Variants in SPATA13 observed in about 807,000 individuals in gnomAD.
SPATA13 encodes the protein spermatogenesis associated 13, also known as spermatogenesis-associated protein 13.
SPATA13 carries 50 observed loss-of-function variants against 104.0 expected under a neutral mutation model. That is an observed-to-expected ratio of 0.48 (90% CI 0.38 to 0.61). The LOEUF (loss-of-function observed/expected upper bound fraction) is 0.61. Ranked by LOEUF, SPATA13 falls within the 20% of genes least tolerant of loss-of-function variation. The pLI is 0.00. For missense variants in SPATA13, 1,524 were observed against 1,690.6 expected (o/e 0.90, Z 1.73); for synonymous variants, 606 against 667.5 (o/e 0.91, Z 1.42).
chr13:24,141,488 C>T (rs1881760687), intron 3 of SPATA13, among the ~76,000 whole-genome samples: 1 of 152,210 alleles, frequency 6.6e-6, no homozygotes, highest in African/African-American at 2.4e-5. Context: ...TCCTCAAAGC[C>T]TTCCTTGACT....
chr13:24,183,939 T>C (rs1481649950), intron 1 of SPATA13, among the ~76,000 whole-genome samples: 1 of 152,080 alleles, frequency 6.6e-6, no homozygotes, highest in Non-Finnish European at 1.5e-5. Context: ...ATTGGGTCAC[T>C]TCCCACACAC....
At chr13:23,981,700 A>C (rs1236303596) in intron 1 of SPATA13, among the ~76,000 whole-genome samples, 1 of 152,218 alleles carries the variant, frequency 6.6e-6, no homozygotes, top group Non-Finnish European at 1.5e-5. Context: ...TCCAGCACTC[A>C]GAGAAGTGCG....
rs568947694 is a variant in SPATA13, at chr13:24,088,523, AG to A, written c.-112+70823del. Among the ~76,000 whole-genome samples the A allele has an allele frequency of 1.1e-3, 167 of 152,174 alleles. 1 individual carries two copies. Among genetic ancestry groups the A allele is most frequent in the African/African-American group, 3.7e-3 (154 of 41,500 alleles). ...ACCATGTGTTGATCGTTGGGTCCAC[AG>A]CCCAAAGACTGGCAGAATCTCAATA... On this transcript the variant is annotated intron_variant, in intron 3 of 14. Coordinates refer to the SPATA13 transcript ENST00000424834. The surrounding 1 kb of genome is among the most constrained non-coding windows in gnomAD (Gnocchi z 4.3).
chr13:24,215,521 G>T (rs917349193), intron 1 of SPATA13, among the ~76,000 whole-genome samples: 9 of 152,142 alleles, frequency 5.9e-5, no homozygotes, highest in Non-Finnish European at 1.3e-4. Context: ...TCCTCAGAAT[G>T]CAAAGCTATA....
intron 1 of SPATA13, among the ~76,000 whole-genome samples, chr13:24,202,295 C>T (rs1415976941): frequency 6.6e-6 from 1 of 151,646 alleles, no homozygotes; most frequent in African/African-American, 2.4e-5. Context: ...CTTGATCTTC[C>T]TGCCTCTGAG....
chr13:24,278,895 TCC>T (rs1875226823), intron 4 of SPATA13: 2 of 1,124,220 alleles, frequency 1.8e-6, no homozygotes, highest in East Asian at 3.0e-5. Flanking sequence ...CTTCCTTCCT[TCC>T]TTCCTTCCTT....
intron 1 of SPATA13, among the ~76,000 whole-genome samples, chr13:23,982,617 A>G (rs1178019369): frequency 6.6e-6 from 1 of 152,176 alleles, no homozygotes; most frequent in Non-Finnish European, 1.5e-5. Flanking sequence ...TACCTATTTC[A>G]TAGGTAGAAA....
At chr13:24,255,892 C>T (rs1042434665) in intron 4 of SPATA13, among the ~76,000 whole-genome samples, 6 of 152,320 alleles carry the variant, frequency 3.9e-5, no homozygotes, top group African/African-American at 1.4e-4. Flanking sequence ...GGGAGATTTT[C>T]AGATGAACTG....
intron 1 of SPATA13, among the ~76,000 whole-genome samples, chr13:24,201,192 G>A (rs1311273756): frequency 6.6e-6 from 1 of 152,108 alleles, no homozygotes; most frequent in East Asian, 1.9e-4. Context: ...CATTTACCTA[G>A]ACAAGCTGTG....
intron 3 of SPATA13, among the ~76,000 whole-genome samples, chr13:24,050,264 T>C (rs1281729600): frequency 1.3e-5 from 2 of 152,152 alleles, no homozygotes; most frequent in Admixed American, 1.3e-4. Context: ...TATTAAAAAA[T>C]AGAAAGTTGA....
At chr13:24,236,361 C>T (rs779320100) in intron 2 of SPATA13, among the ~76,000 whole-genome samples, 6 of 152,058 alleles carry the variant, frequency 3.9e-5, no homozygotes, top group South Asian at 2.1e-4. Context: ...TGCAGGTGAG[C>T]GGGTGGATCA....
chr13:24,145,471 C>T (rs972250975), intron 3 of SPATA13, among the ~76,000 whole-genome samples: 1 of 152,166 alleles, frequency 6.6e-6, no homozygotes, highest in East Asian at 1.9e-4. Flanking sequence ...GTTCTCAGTT[C>T]ATGTGAGTCC....
intron 3 of SPATA13, among the ~76,000 whole-genome samples, chr13:24,135,442 A>G (rs1338889348): frequency 6.6e-6 from 1 of 152,170 alleles, no homozygotes; most frequent in Admixed American, 6.5e-5. Context: ...TCACGCCTGT[A>G]ATCCCAGCAT....
chr13:24,056,586 C>T lies in SPATA13; in HGVS notation c.-112+38885C>T, dbSNP rs7986503. The stretch of plus-strand genomic sequence containing the variant: ...ATGTTGTGTGAATTGCCTACTGCTG[C>T]ACCCACAGAGCCCAGCACAGTGTCT... On this transcript the variant is annotated intron_variant, in intron 3 of 14. Transcript: ENST00000424834. Among the ~76,000 whole-genome samples, 1,277 of 152,310 alleles carry T rather than the reference C, an allele frequency of 8.4e-3. 30 individuals carry two copies. The highest frequency in any genetic ancestry group is 0.029 in the African/African-American group (1,186 of 41,558).
chr13:23,989,966 C>T (rs1254671729), intron 2 of SPATA13, among the ~76,000 whole-genome samples: 1 of 152,170 alleles, frequency 6.6e-6, no homozygotes, highest in Non-Finnish European at 1.5e-5. Context: ...TCTTTGACTT[C>T]CCAGCCTCCA....
chr13:24,178,006 G>A (rs557024797), intron 1 of SPATA13, among the ~76,000 whole-genome samples: 9 of 152,024 alleles, frequency 5.9e-5, no homozygotes, highest in East Asian at 3.9e-4. Context: ...ATGGGTGTGC[G>A]CCACTATGCC....
At chr13:24,107,360 G>A (rs9580870) in intron 3 of SPATA13, among the ~76,000 whole-genome samples, 15,947 of 149,538 alleles carry the variant, frequency 0.11, 1,121 homozygotes, top group African/African-American at 0.2. Flanking sequence ...CCAGAGAAAC[G>A]AGCACTCCTC....
chr13:23,982,052 A>G (rs1040046087), intron 1 of SPATA13, among the ~76,000 whole-genome samples: 1 of 152,266 alleles, frequency 6.6e-6, no homozygotes, highest in African/African-American at 2.4e-5. Context: ...TCATGATTTT[A>G]AAACATGTAA....
intron 4 of SPATA13, among the ~76,000 whole-genome samples, chr13:24,253,716 A>G (rs376997222): frequency 1.6e-4 from 25 of 152,246 alleles, no homozygotes; most frequent in African/African-American, 5.8e-4. Context: ...CAAGGAGGTG[A>G]CGCTGGGGAC....
Sources: allele counts gnomAD v4.1 joint callset (sites outside exome capture counted in the v4.1 genomes callset), GRCh38; gene constraint gnomAD v4.1.1; non-coding constraint Gnocchi (gnomAD v3.1); transcripts MANE v1.5; gene names NCBI Gene and HGNC (gene_info 2026-07-23, HGNC 2026-07-21).